Variants in FAM161A observed in about 807,000 individuals in gnomAD.
FAM161A encodes the protein FAM161 centrosomal protein A, also known as protein FAM161A.
In FAM161A, 57 loss-of-function variants were observed where a neutral mutation model predicts 70.9. That is an observed-to-expected ratio of 0.80 (90% CI 0.65 to 1.00). The LOEUF (loss-of-function observed/expected upper bound fraction) is 1.00. FAM161A is among the 50% of genes least tolerant of loss of function. The pLI is 0.00. For synonymous variants in FAM161A, 299 were observed against 295.7 expected, an observed-to-expected ratio of 1.01 and a Z score of -0.12; for missense variants, 880 against 836.0, an observed-to-expected ratio of 1.05 and a Z score of -0.65.
chr2:61,803,501 G>A, the FAM161A span: 2 of 536,466 alleles, frequency 3.7e-6, no homozygotes, highest in Non-Finnish European at 6.8e-6. Context: ...GTTATCTGCG[G>A]CCATTGAGGA....
chr2:61,808,390 T>A, the FAM161A span, among the ~76,000 whole-genome samples: 1 of 151,904 alleles, frequency 6.6e-6, no homozygotes, highest in African/African-American at 2.4e-5. Flanking sequence ...CCGCTGCATC[T>A]GCCTCCCAAG....
the FAM161A span, among the ~76,000 whole-genome samples, chr2:61,808,064 GGATTT>G: frequency 6.6e-6 from 1 of 152,184 alleles, no homozygotes; most frequent in African/African-American, 2.4e-5. Context: ...TTGGGTACAA[GGATTT>G]ATTTGGGAGG....
intron 3 of FAM161A, among the ~76,000 whole-genome samples, 187 bp from the exon 4 acceptor site, chr2:61,838,892 A>ATTTATTTT (rs747578151): frequency 0.012 from 1,560 of 130,248 alleles, 16 homozygotes; most frequent in South Asian, 0.055. Flanking sequence ...TTATTTATTT[A>ATTTATTTT]TTTTTTTTGA....
rs1181648787 is a variant in FAM161A, at chr2:61,838,638, T to A, written c.1651A>T (p.Arg551Ter). ...RNRILTKQKQ[R>*]MKELQKLLTT... ...AGGAGTTTCTGCAATTCTTTCATTCTTTGCTTCTGTTTAGTTAGGATCCGA... is the reference window on the plus strand; with the variant it reads ...AGGAGTTTCTGCAATTCTTTCATTCATTGCTTCTGTTTAGTTAGGATCCGA... The change falls in exon 4 of 7, where the codon AGA becomes TGA. Residue 551 changes from arginine (R) to a stop codon, truncating the protein, a stop_gained. Coordinates refer to ENST00000404929, the MANE Select transcript of FAM161A (RefSeq NM_001201543.2). LOFTEE classifies it high-confidence loss of function. 5.0e-6 allele frequency: 8 copies of A among 1,612,046 alleles called. No homozygotes were observed. The highest frequency in any genetic ancestry group is 6.8e-6 in the Non-Finnish European group (8 of 1,179,446).
chr2:61,807,016 T>G, the FAM161A span, among the ~76,000 whole-genome samples: 1 of 152,146 alleles, frequency 6.6e-6, no homozygotes, highest in Admixed American at 6.6e-5. Flanking sequence ...TTGAAAGAAT[T>G]GAGCTCACAT....
the FAM161A span, among the ~76,000 whole-genome samples, chr2:61,809,336 C>T: frequency 6.6e-6 from 1 of 152,320 alleles, no homozygotes; most frequent in East Asian, 1.9e-4. Flanking sequence ...TCTTTCTACA[C>T]ACATTCCTTA....
the FAM161A span, among the ~76,000 whole-genome samples, chr2:61,807,210 C>A: frequency 6.6e-6 from 1 of 150,696 alleles, no homozygotes; most frequent in Non-Finnish European, 1.5e-5. Context: ...CATCAGGTAA[C>A]AAAAGCCCAG....
rs748220974 is a variant in FAM161A at position 61,826,440 on chromosome 2, G to C, written c.*15C>G. On this transcript the variant is annotated 3_prime_UTR_variant, in exon 7 of 7. Coordinates refer to ENST00000404929, the MANE Select transcript of FAM161A (RefSeq NM_001201543.2). ...GCAAACAACAGCAAGGGCATAGAGA[G>C]GAGACCTTGATGATTCAGTGTGATT... 1 of 1,611,392 alleles carries C rather than the reference G, an allele frequency of 6.2e-7. No individual in the cohort carries two copies. The highest frequency in any genetic ancestry group is 1.1e-5 in the South Asian group (1 of 90,512).
chr2:61,839,375 C>T, intron 3 of FAM161A, 46 bp downstream of exon 3: 2 of 1,577,454 alleles, frequency 1.3e-6, no homozygotes, highest in Non-Finnish European at 1.7e-6. Flanking sequence ...TGCATACACT[C>T]ATCTGGCAAC....
intron 1 of FAM161A, among the ~76,000 whole-genome samples, chr2:61,848,031 T>G (rs1465304540): frequency 6.6e-6 from 1 of 152,186 alleles, no homozygotes; most frequent in Non-Finnish European, 1.5e-5. Context: ...AGGCCTATGT[T>G]CCAAAAACTA....
downstream of FAM161A, chr2:61,820,259 C>T (rs75317588): frequency 0.021 from 14,012 of 656,114 alleles, 931 homozygotes; most frequent in East Asian, 0.17. Context: ...ACTGGAGGAT[C>T]GAGCTTTGAA....
rs778899250 is a variant in FAM161A, at chr2:61,842,274, G to C, written c.270C>G (p.His90Gln). The change falls in exon 2 of 7, where the codon CAC becomes CAG. Residue 90 changes from histidine to glutamine, a missense_variant. Physicochemically the swap from His to Gln is conservative, Grantham distance 24. Coordinates refer to ENST00000404929, the MANE Select transcript of FAM161A (RefSeq NM_001201543.2). ...CTTTCTTGAAATACTCCTCATTAGAGTGGTGAATATCAGGAAAGTTCACAA... is the reference window on the plus strand; with the variant it reads ...CTTTCTTGAAATACTCCTCATTAGACTGGTGAATATCAGGAAAGTTCACAA... The part of the protein sequence containing the change: ...EDFVNFPDIH[H>Q]SNEEYFKKVE... 1 of 1,613,034 alleles carries C rather than the reference G, an allele frequency of 6.2e-7. No individual in the cohort carries two copies.
the FAM161A span, among the ~76,000 whole-genome samples, chr2:61,808,879 G>A: frequency 6.6e-6 from 1 of 151,464 alleles, no homozygotes; most frequent in Admixed American, 6.6e-5. Context: ...CTGTAATGTT[G>A]ACTTTTTTTT....
At chr2:61,824,722 G>A (rs1443608597), downstream of FAM161A, 2 of 251,472 alleles carry the variant, frequency 8.0e-6, no homozygotes, top group South Asian at 4.7e-5. Context: ...TTGAAAGCAA[G>A]TAATGTTTTA....
At chr2:61,832,753 G>T (rs1459931252) in intron 5 of FAM161A, among the ~76,000 whole-genome samples, 1 of 152,172 alleles carries the variant, frequency 6.6e-6, no homozygotes, top group African/African-American at 2.4e-5. Flanking sequence ...CTCCTTATGA[G>T]AATCTAACGC....
At chr2:61,801,344 A>T in the FAM161A span, among the ~76,000 whole-genome samples, 2 of 151,528 alleles carry the variant, frequency 1.3e-5, no homozygotes, top group African/African-American at 4.8e-5. Flanking sequence ...AAAAATGCAA[A>T]AAATTAGCTG....
chr2:61,852,079 G>A (rs542801316), intron 1 of FAM161A, among the ~76,000 whole-genome samples: 2 of 152,098 alleles, frequency 1.3e-5, no homozygotes, highest in Admixed American at 6.5e-5. Flanking sequence ...GTGCCCCCTG[G>A]CTATCAGGCC....
the FAM161A span, among the ~76,000 whole-genome samples, chr2:61,816,418 T>C: frequency 1.3e-5 from 2 of 152,138 alleles, no homozygotes; most frequent in South Asian, 2.1e-4. Flanking sequence ...TTAGGATTTA[T>C]TCTCTCTCTA....
chr2:61,840,241 A>T lies in FAM161A; in HGVS notation c.763T>A (p.Ser255Thr). The T allele has an allele frequency of 6.2e-7, 1 of 1,613,188 alleles. No individual in the cohort carries two copies. Among genetic ancestry groups the T allele is most frequent in the Non-Finnish European group, 8.5e-7 (1 of 1,179,788 alleles). Residue 255 changes from serine to threonine, a missense_variant, in exon 3 of 7, where the codon TCC becomes ACC. Physicochemically the swap from Ser to Thr is moderately conservative, Grantham distance 58. Coordinates refer to ENST00000404929, the MANE Select transcript of FAM161A (RefSeq NM_001201543.2). ...MIREQKKKEE[S>T]MKSKSDIEMV... The stretch of plus-strand genomic sequence containing the variant: ...TCGATATCTGATTTAGATTTCATGG[A>T]CTCTTCTTTTTTCTTCTGTTCTCTT...
Sources: gnomAD v4.1 joint callset for allele counts (sites outside exome capture counted in the v4.1 genomes callset) on GRCh38, gnomAD v4.1.1 for gene constraint, MANE v1.5 for transcripts, NCBI Gene and HGNC (gene_info 2026-07-23, HGNC 2026-07-21) for gene names.